PTPRG: variants seen among roughly 807,000 people sequenced by gnomAD.
PTPRG encodes receptor-type tyrosine-protein phosphatase gamma.
PTPRG carries 102 observed loss-of-function variants against 165.3 expected under a neutral mutation model. That is an observed-to-expected ratio of 0.62 (90% CI 0.53 to 0.73). The LOEUF is 0.73. PTPRG is among the 30% of genes least tolerant of loss of function. The pLI is 0.00. For synonymous variants in PTPRG, 675 were observed against 669.5 expected, an observed-to-expected ratio of 1.01 and a Z score of -0.13; for missense variants, 1,866 against 1,861.4, an observed-to-expected ratio of 1.00 and a Z score of -0.05.
At chr3:61,732,618 A>G (rs576135092) in intron 1 of PTPRG, among the ~76,000 whole-genome samples, 13 of 148,188 alleles carry the variant, frequency 8.8e-5, no homozygotes, top group African/African-American at 2.8e-4. Flanking sequence ...CTGAGGCAGG[A>G]GAATGGCATG....
At chr3:61,643,849 G>C (rs1305335868) in intron 1 of PTPRG, among the ~76,000 whole-genome samples, 3 of 152,104 alleles carry the variant, frequency 2.0e-5, no homozygotes, top group Non-Finnish European at 4.4e-5. Context: ...TGGTCAGTTT[G>C]ATGATATAAT....
intron 9 of PTPRG, among the ~76,000 whole-genome samples, chr3:62,193,252 G>A (rs1271123604): frequency 3.3e-5 from 5 of 152,322 alleles, no homozygotes; most frequent in Admixed American, 1.3e-4. Context: ...AATAGATACC[G>A]TCTTGGAGTG....
chr3:62,028,990 T>A (rs893115983), intron 4 of PTPRG, among the ~76,000 whole-genome samples: 3 of 152,184 alleles, frequency 2.0e-5, no homozygotes, highest in African/African-American at 7.2e-5. Context: ...GGTCAGGTGG[T>A]CATTACTTGG....
chr3:61,888,893 A>G (rs927244664), intron 2 of PTPRG, among the ~76,000 whole-genome samples: 24 of 152,314 alleles, frequency 1.6e-4, no homozygotes, highest in South Asian at 4.1e-4. Flanking sequence ...AGTATATGGC[A>G]GTTATTTTGC....
chr3:61,680,562 C>A (rs1575585987), intron 1 of PTPRG, among the ~76,000 whole-genome samples: 1 of 146,854 alleles, frequency 6.8e-6, no homozygotes, highest in African/African-American at 2.5e-5. Context: ...TGTGGGTGAC[C>A]CTTGGCTACT....
At chr3:62,018,491 C>G (rs2041605366) in intron 4 of PTPRG, among the ~76,000 whole-genome samples, 1 of 152,190 alleles carries the variant, frequency 6.6e-6, no homozygotes, top group South Asian at 2.1e-4. Flanking sequence ...GGTGTCACCA[C>G]TCTCTTTCCA....
At chr3:61,817,237 G>A (rs1317662001) in intron 2 of PTPRG, among the ~76,000 whole-genome samples, 3 of 138,554 alleles carry the variant, frequency 2.2e-5, no homozygotes, top group Non-Finnish European at 3.0e-5. Context: ...TATTTATAGA[G>A]AGCTGTTGGG....
intron 8 of PTPRG, among the ~76,000 whole-genome samples, chr3:62,185,490 C>T (rs1705842076): frequency 1.2e-4 from 18 of 152,088 alleles, no homozygotes; most frequent in Admixed American, 1.2e-3. Context: ...TCCTGGTGTT[C>T]ATTTTAGACC....
chr3:62,065,093 T>C (rs1011089326), intron 4 of PTPRG, among the ~76,000 whole-genome samples: 4 of 152,066 alleles, frequency 2.6e-5, no homozygotes, highest in Admixed American at 1.3e-4. Context: ...ATAAGAAGGA[T>C]CCATAAATCC....
chr3:61,569,902 T>C (rs1700016424), intron 1 of PTPRG, among the ~76,000 whole-genome samples: 1 of 152,228 alleles, frequency 6.6e-6, no homozygotes, highest in Non-Finnish European at 1.5e-5. Flanking sequence ...AAAGGAGGTC[T>C]CTGCTTTCTC....
chr3:61,690,095 C>T (rs2030090321), intron 1 of PTPRG, among the ~76,000 whole-genome samples: 1 of 152,184 alleles, frequency 6.6e-6, no homozygotes, highest in Admixed American at 6.5e-5. Context: ...CTGTCTCAAC[C>T]ATCCCCTGGG....
At chr3:61,589,898 T>G (rs1168845053) in intron 1 of PTPRG, among the ~76,000 whole-genome samples, 1 of 152,036 alleles carries the variant, frequency 6.6e-6, no homozygotes, top group Non-Finnish European at 1.5e-5. Flanking sequence ...TAGACTAGAT[T>G]TATAGAAAAC....
At chr3:61,999,842 G>A (rs1479752507) in intron 3 of PTPRG, among the ~76,000 whole-genome samples, 6 of 152,090 alleles carry the variant, frequency 3.9e-5, no homozygotes, top group Admixed American at 3.9e-4. Context: ...AGTAAAAGTG[G>A]GAAATGAATG....
chr3:61,675,922 G>A lies in PTPRG; in HGVS notation c.86-72956G>A, dbSNP rs1317124. The stretch of plus-strand genomic sequence containing the variant: ...GGCATGTGTCATTCCGTGGTAGCAT[G>A]GATCATATTAATAATTGAACCAGTA... On this transcript the variant is annotated intron_variant, in intron 1 of 29. Transcript: ENST00000474889. Among the ~76,000 whole-genome samples the A allele has an allele frequency of 3.0e-3, 459 of 152,246 alleles. 4 individuals carry two copies. Among genetic ancestry groups the A allele is most frequent in the African/African-American group, 0.011 (438 of 41,552 alleles).
intron 2 of PTPRG, among the ~76,000 whole-genome samples, chr3:61,818,169 A>C (rs546277161): frequency 6.6e-6 from 1 of 152,228 alleles, no homozygotes; most frequent in Non-Finnish European, 1.5e-5. Context: ...GAAAAGCATT[A>C]CACTTGAACT....
Position 62,275,907 on chromosome 3 carries a change from G to GT in PTPRG, c.3503dup (p.Ser1169GlnfsTer7). 6.2e-7 allele frequency: 1 copy of GT among 1,611,830 alleles called. No homozygotes were observed. Among genetic ancestry groups the GT allele is most frequent in the Non-Finnish European group, 8.5e-7 (1 of 1,178,674 alleles). ...CAGTGTAATGCAAAATATGTGGAAT[G>GT]TTTCAGTGCTCAGAAAGAGTGTAAC... On this transcript the variant is annotated frameshift_variant, in exon 24 of 30. Coordinates refer to ENST00000474889, the MANE Select transcript of PTPRG (RefSeq NM_002841.4). LOFTEE classifies it high-confidence loss of function.
chr3:61,719,572 G>A (rs1333049583), intron 1 of PTPRG, among the ~76,000 whole-genome samples: 1 of 152,186 alleles, frequency 6.6e-6, no homozygotes, highest in Non-Finnish European at 1.5e-5. Context: ...CAGGGAGAAG[G>A]TGGAATAAAC....
At chr3:61,784,895 G>T (rs2034649855) in intron 2 of PTPRG, among the ~76,000 whole-genome samples, 2 of 152,154 alleles carry the variant, frequency 1.3e-5, no homozygotes, top group South Asian at 4.1e-4. Context: ...GAAAACGGAT[G>T]AATTTAAAAT....
chr3:61,646,556 A>G (rs112130282), intron 1 of PTPRG, among the ~76,000 whole-genome samples: 45 of 152,332 alleles, frequency 3.0e-4, no homozygotes, highest in African/African-American at 9.9e-4. Context: ...GATGCATTCT[A>G]TATACTTATA....
Sources: allele counts gnomAD v4.1 joint callset (sites outside exome capture counted in the v4.1 genomes callset), GRCh38; gene constraint gnomAD v4.1.1; transcripts MANE v1.5; gene names NCBI Gene and HGNC (gene_info 2026-07-23, HGNC 2026-07-21).